DIP2B: variants seen among roughly 807,000 people sequenced by gnomAD.
The protein encoded by DIP2B is disco-interacting protein 2 homolog B.
DIP2B carries 76 observed loss-of-function variants against 198.0 expected under a neutral mutation model. The observed-to-expected ratio is 0.38, with a 90% confidence interval of 0.32 to 0.46. The LOEUF (loss-of-function observed/expected upper bound fraction) is 0.46. DIP2B is among the 20% of genes least tolerant of loss of function. The pLI, the probability that DIP2B is intolerant of heterozygous loss-of-function variation, is 0.99. For missense variants in DIP2B, 1,559 were observed against 1,978.4 expected, an observed-to-expected ratio of 0.79 and a Z score of 4.02; for synonymous variants, 701 against 739.1, an observed-to-expected ratio of 0.95 and a Z score of 0.84.
At chr12:50,601,692 A>G (rs1958938197) in intron 1 of DIP2B, among the ~76,000 whole-genome samples, 2 of 151,302 alleles carry the variant, frequency 1.3e-5, no homozygotes, top group African/African-American at 4.9e-5. Context: ...TTTGGTTTTT[A>G]TACTTTAGCC....
chr12:50,629,990 G>A (rs1053917393), intron 2 of DIP2B, among the ~76,000 whole-genome samples: 5 of 142,628 alleles, frequency 3.5e-5, no homozygotes, highest in South Asian at 2.2e-4. Flanking sequence ...TTGCTCTGTC[G>A]CCAGGCTGGA....
intron 36 of DIP2B, among the ~76,000 whole-genome samples, chr12:50,740,448 G>C (rs1273326878): frequency 6.6e-6 from 1 of 152,178 alleles, no homozygotes; most frequent in African/African-American, 2.4e-5. Flanking sequence ...TTGCCTCATG[G>C]AAATGATGTG....
At chr12:50,617,571 G>A (rs1937723181) in intron 1 of DIP2B, among the ~76,000 whole-genome samples, 1 of 152,016 alleles carries the variant, frequency 6.6e-6, no homozygotes, top group African/African-American at 2.4e-5. Context: ...CACTTTGGGA[G>A]GCCAAGGCAG....
chr12:50,610,176 A>G (rs1593654097), intron 1 of DIP2B, among the ~76,000 whole-genome samples: 1 of 152,130 alleles, frequency 6.6e-6, no homozygotes. Context: ...CTAATATCAC[A>G]TTTCCATATG....
At chr12:50,545,453 A>G (rs1199649433) in intron 1 of DIP2B, among the ~76,000 whole-genome samples, 2 of 145,672 alleles carry the variant, frequency 1.4e-5, no homozygotes, top group Admixed American at 7.1e-5. Flanking sequence ...ACAGCTCACT[A>G]CAGCCTTGAC....
intron 1 of DIP2B, among the ~76,000 whole-genome samples, chr12:50,597,689 G>A (rs550200132): frequency 1.3e-5 from 2 of 152,318 alleles, no homozygotes; most frequent in East Asian, 3.9e-4. Flanking sequence ...CCTTGACTGA[G>A]TCACAAGTGA....
At chr12:50,553,002 A>G (rs889368850) in intron 1 of DIP2B, among the ~76,000 whole-genome samples, 1 of 151,914 alleles carries the variant, frequency 6.6e-6, no homozygotes, top group African/African-American at 2.4e-5. Context: ...TGCCCGGCTA[A>G]TTTTTGCATT....
chr12:50,536,208 A>G (rs941516007), intron 1 of DIP2B, among the ~76,000 whole-genome samples: 10 of 152,136 alleles, frequency 6.6e-5, no homozygotes, highest in African/African-American at 2.2e-4. Flanking sequence ...CTTTGGGTAT[A>G]GAGCCCAGGA....
chr12:50,728,316 C>T (rs1474144111), intron 29 of DIP2B, among the ~76,000 whole-genome samples: 2 of 151,500 alleles, frequency 1.3e-5, no homozygotes, highest in Non-Finnish European at 2.9e-5. Context: ...CATTGCACCG[C>T]AGCCTGGGCA....
Position 50,695,347 on chromosome 12 carries a change from A to G in DIP2B, c.1800A>G (p.Val600=). The G allele has an allele frequency of 6.2e-7, 1 of 1,613,698 alleles. No homozygotes were observed. The change falls in exon 15 of 38, where the codon GTA becomes GTG. Residue 600 remains valine (V), a synonymous_variant. Coordinates refer to ENST00000301180, the MANE Select transcript of DIP2B (RefSeq NM_173602.3). The stretch of plus-strand genomic sequence containing the variant: ...GTCCTCTCTCTTGGGTCCAAAGAGT[A>G]CATGCTCACAAAGGTAGTCACCTGC... ...KTCPLSWVQR[V]HAHKAKVALV... is the part of the protein sequence containing the mutation.
chr12:50,714,214 G>A (rs983297760), intron 22 of DIP2B, among the ~76,000 whole-genome samples, 181 bp from the exon 23 acceptor site: 3 of 152,158 alleles, frequency 2.0e-5, no homozygotes, highest in Non-Finnish European at 4.4e-5. Context: ...TGAAAGATGT[G>A]TATTATCTTA....
intron 1 of DIP2B, among the ~76,000 whole-genome samples, chr12:50,625,240 AC>A (rs1937909895): frequency 6.6e-6 from 1 of 151,672 alleles, no homozygotes; most frequent in Admixed American, 6.6e-5. Context: ...GTTCCTTTTA[AC>A]CCTACTCTCT....
chr12:50,714,307 T>C, intron 22 of DIP2B, 88 bp from the exon 23 acceptor site: 1 of 1,484,932 alleles, frequency 6.7e-7, no homozygotes, highest in South Asian at 1.2e-5. Flanking sequence ...GTAAGAAAAA[T>C]TGTAGCGTAA....
At chr12:50,713,820 G>C (rs1487916191) in intron 22 of DIP2B, among the ~76,000 whole-genome samples, 1 of 151,844 alleles carries the variant, frequency 6.6e-6, no homozygotes, top group Admixed American at 6.6e-5. Flanking sequence ...AGTAATCTCA[G>C]CACTTTGGGA....
chr12:50,574,884 A>G (rs146714982), intron 1 of DIP2B, among the ~76,000 whole-genome samples: 3 of 152,214 alleles, frequency 2.0e-5, no homozygotes, highest in African/African-American at 4.8e-5. Context: ...TATCGGAACG[A>G]TGGGAATTTG....
chr12:50,601,164 A>C (rs1958932644), intron 1 of DIP2B, among the ~76,000 whole-genome samples: 1 of 152,138 alleles, frequency 6.6e-6, no homozygotes, highest in East Asian at 1.9e-4. Context: ...CTGCTTTGGC[A>C]CATCCCAAGT....
intron 22 of DIP2B, among the ~76,000 whole-genome samples, chr12:50,711,136 T>A (rs947993288): frequency 6.6e-6 from 1 of 152,234 alleles, no homozygotes; most frequent in Admixed American, 6.5e-5. Context: ...CAAACTCTTG[T>A]GAAAGTCACT....
chr12:50,632,724 A>C (rs941918766), intron 2 of DIP2B, among the ~76,000 whole-genome samples: 1 of 151,198 alleles, frequency 6.6e-6, no homozygotes, highest in Non-Finnish European at 1.5e-5. Flanking sequence ...TTCAGTAGAG[A>C]CAAGGTTTCA....
At chr12:50,529,394 T>TGTACATGTA (rs1237004834) in intron 1 of DIP2B, among the ~76,000 whole-genome samples, 1 of 152,198 alleles carries the variant, frequency 6.6e-6, no homozygotes, top group East Asian at 1.9e-4. Flanking sequence ...AGGGCATTAG[T>TGTACATGTA]GTACATGTAG....
Sources: gnomAD v4.1 joint callset for allele counts (sites outside exome capture counted in the v4.1 genomes callset) on GRCh38, gnomAD v4.1.1 for gene constraint, MANE v1.5 for transcripts, NCBI Gene and HGNC (gene_info 2026-07-23, HGNC 2026-07-21) for gene names.